The following GAST variants were observed in gnomAD, a reference collection of about 807,000 sequenced individuals.
GAST encodes preprogastrin.
GAST carries 9 observed loss-of-function variants against 12.5 expected under a neutral mutation model. The ratio of observed to expected loss-of-function variants is 0.72; its 90% CI spans 0.43 to 1.25. The LOEUF is 1.25. Ranked by LOEUF, GAST falls within the 50% of genes most tolerant of loss-of-function variation. The probability of loss-of-function intolerance (pLI) is 0.00; values close to 1 mark genes in which losing one functional copy is unlikely to be tolerated. For synonymous variants in GAST, 52 were observed against 51.1 expected (o/e 1.02, Z -0.08); for missense variants, 121 against 127.7 (o/e 0.95, Z 0.25).
Position 41,715,955 on chromosome 17 carries a change from C to A in GAST, c.*83C>A, listed in dbSNP as rs782698420. On this transcript the variant is annotated 3_prime_UTR_variant, in exon 3 of 3. Coordinates refer to ENST00000329402, the MANE Select transcript of GAST (RefSeq NM_000805.5). ...CCCTGAAAAACTGATCAAAAATAAA[C>A]TAGTTTCCAGTGGATCAATGGACTG... 1.8e-6 allele frequency: 2 copies of A among 1,111,412 alleles called. No individual in the cohort carries two copies. Among genetic ancestry groups the A allele is most frequent in the Non-Finnish European group, 2.6e-6 (2 of 773,888 alleles). 68.8% of individuals were successfully genotyped at this position (1,111,412 alleles called of 1,614,324 possible). A position where few individuals can be genotyped will look rare whatever the true frequency, so the allele number is the denominator to read the frequency against.
intron 1 of GAST, among the ~76,000 whole-genome samples, chr17:41,713,670 C>T (rs566070996): frequency 1.4e-4 from 22 of 152,080 alleles, no homozygotes; most frequent in African/African-American, 5.1e-4. Context: ...CACTGCATTC[C>T]AGCCTGGGAG....
At chr17:41,713,788 A>T (rs373425643) in intron 1 of GAST, among the ~76,000 whole-genome samples, 2 of 152,208 alleles carry the variant, frequency 1.3e-5, no homozygotes, top group East Asian at 1.9e-4. Context: ...AATTTTTATC[A>T]TTTTCTTATG....
chr17:41,713,796 AT>A (rs1282227460), intron 1 of GAST, among the ~76,000 whole-genome samples: 2 of 152,228 alleles, frequency 1.3e-5, no homozygotes, highest in Non-Finnish European at 2.9e-5. Flanking sequence ...TCATTTTCTT[AT>A]GATAAAGCCA....
intron 1 of GAST, among the ~76,000 whole-genome samples, chr17:41,712,794 G>A (rs1363482188): frequency 6.6e-6 from 1 of 152,198 alleles, no homozygotes; most frequent in Non-Finnish European, 1.5e-5. Flanking sequence ...CCCACTTCAA[G>A]CCCTTTCCTA....
At chr17:41,714,869 G>T (rs1196912998) in intron 1 of GAST, among the ~76,000 whole-genome samples, 1 of 152,194 alleles carries the variant, frequency 6.6e-6, no homozygotes, top group Admixed American at 6.5e-5. Context: ...CATTGCCCTA[G>T]GATTTGACTT....
intron 1 of GAST, among the ~76,000 whole-genome samples, chr17:41,714,895 G>C (rs532576728): frequency 5.9e-5 from 9 of 152,344 alleles, no homozygotes; most frequent in Admixed American, 5.9e-4. Context: ...AATAGAAGCA[G>C]TGGCTGTAAT....
rs577565280 is a variant in GAST at position 41,715,457 on chromosome 17, T to C, written c.21T>C (p.Tyr7=). Residue 7 remains tyrosine, a synonymous_variant, in exon 2 of 3, where the codon TAT becomes TAC. Transcript: ENST00000329402. ...ACGAGATGCAGCGACTGTGTGTGTA[T>C]GTGCTGATCTTTGCACTGGCTCTGG... MQRLCV[Y]VLIFALALAA... is the part of the protein sequence containing the mutation. 2.5e-6 allele frequency: 4 copies of C among 1,613,854 alleles called. No homozygotes were observed. In the East Asian group the frequency reaches 6.7e-5, roughly 27 times the overall value.
At position 41,715,921 on chromosome 17, in the gene GAST, A is replaced by C. The variant is rs781979891; in HGVS notation, c.*49A>C. On this transcript the variant is annotated 3_prime_UTR_variant, in exon 3 of 3. Transcript: ENST00000329402. The stretch of plus-strand genomic sequence containing the variant: ...GCCTAGCCACCTCCCACCCCACTCC[A>C]GCCCTGTCCCCTGAAAAACTGATCA... The C allele has an allele frequency of 7.1e-7, 1 of 1,401,204 alleles. No homozygotes were observed. 86.8% of individuals were successfully genotyped at this position (1,401,204 alleles called of 1,614,324 possible). A position where few individuals can be genotyped will look rare whatever the true frequency, so the allele number is the denominator to read the frequency against.
At chr17:41,714,992 A>G (rs553474729) in intron 1 of GAST, among the ~76,000 whole-genome samples, 1 of 152,282 alleles carries the variant, frequency 6.6e-6, no homozygotes, top group African/African-American at 2.4e-5. Context: ...GAAATAGTCC[A>G]CAACTCCACA....
chr17:41,713,785 A>G (rs924526932), intron 1 of GAST, among the ~76,000 whole-genome samples: 1 of 152,240 alleles, frequency 6.6e-6, no homozygotes, highest in Non-Finnish European at 1.5e-5. Flanking sequence ...GAAAATTTTT[A>G]TCATTTTCTT....
At chr17:41,713,040 C>T (rs1162839150) in intron 1 of GAST, among the ~76,000 whole-genome samples, 4 of 151,992 alleles carry the variant, frequency 2.6e-5, no homozygotes, top group South Asian at 2.1e-4. Flanking sequence ...CTCAGCCTCC[C>T]GAGTAGCCGG....
chr17:41,715,021 CG>C (rs1172157027), intron 1 of GAST, among the ~76,000 whole-genome samples: 4 of 151,962 alleles, frequency 2.6e-5, no homozygotes, highest in Non-Finnish European at 5.9e-5. Context: ...CAGACTCACC[CG>C]GGTGCGGTGG....
rs1304115458 is a variant in GAST, at chr17:41,715,941, T to C, written c.*69T>C. ...ACTCCAGCCCTGTCCCCTGAAAAAC[T>C]GATCAAAAATAAACTAGTTTCCAGT... On this transcript the variant is annotated 3_prime_UTR_variant, in exon 3 of 3. Coordinates refer to ENST00000329402, the MANE Select transcript of GAST (RefSeq NM_000805.5). The C allele has an allele frequency of 5.6e-6, 7 of 1,250,106 alleles. No homozygotes were observed. Among genetic ancestry groups the C allele is most frequent in the Admixed American group, 2.3e-5 (1 of 42,558 alleles). 77.4% of individuals were successfully genotyped at this position (1,250,106 alleles called of 1,614,324 possible). A position where few individuals can be genotyped will look rare whatever the true frequency, so the allele number is the denominator to read the frequency against.
At chr17:41,713,757 A>G (rs1910910035) in intron 1 of GAST, among the ~76,000 whole-genome samples, 1 of 152,192 alleles carries the variant, frequency 6.6e-6, no homozygotes, top group African/African-American at 2.4e-5. Context: ...TTATTAATAC[A>G]AATGTATTCT....
At chr17:41,714,709 A>G (rs1423873323) in intron 1 of GAST, among the ~76,000 whole-genome samples, 1 of 152,082 alleles carries the variant, frequency 6.6e-6, no homozygotes, top group Non-Finnish European at 1.5e-5. Context: ...CAGGAGGTAG[A>G]GGCTGCAGTG....
intron 1 of GAST, among the ~76,000 whole-genome samples, chr17:41,715,064 C>G (rs1400962116): frequency 6.6e-6 from 1 of 151,756 alleles, no homozygotes; most frequent in Non-Finnish European, 1.5e-5. Context: ...TTTGGGAGGC[C>G]GAGGCGGGTG....
chr17:41,715,374 C>A, intron 1 of GAST, 58 bp from the exon 2 acceptor site: 1 of 1,373,272 alleles, frequency 7.3e-7, no homozygotes, highest in Non-Finnish European at 1.0e-6. Flanking sequence ...AGTCCCCTGC[C>A]TCTGGGCCTC....
rs1435806910 is a variant in GAST, at chr17:41,715,860, G to A, written c.294G>A (p.Glu98=). 7.5e-6 allele frequency: 12 copies of A among 1,606,252 alleles called. No homozygotes were observed. The highest frequency in any genetic ancestry group is 8.5e-6 in the Non-Finnish European group (10 of 1,177,408). ...TGGACTTCGGCCGCCGCAGTGCTGAGGATGAGAACTAACAATCCTAGAACC... is the reference window on the plus strand; with the variant it reads ...TGGACTTCGGCCGCCGCAGTGCTGAAGATGAGAACTAACAATCCTAGAACC... ...GWMDFGRRSA[E]DEN The change falls in exon 3 of 3, where the codon GAG becomes GAA. Residue 98 remains glutamate (E), a synonymous_variant. Transcript: ENST00000329402.
At position 41,715,917 on chromosome 17, in the gene GAST, C is replaced by T; in HGVS notation, c.*45C>T. 1 of 1,428,666 alleles carries T rather than the reference C, an allele frequency of 7.0e-7. No homozygotes were observed. The highest frequency in any genetic ancestry group is 1.3e-5 in the South Asian group (1 of 77,228). The allele number at this position is 1,428,666 out of a possible 1,614,324, so 88.5% of individuals were successfully genotyped here. Reference sequence around the variant, plus strand: ...CAGAGCCTAGCCACCTCCCACCCCACTCCAGCCCTGTCCCCTGAAAAACTG... The same window carrying T: ...CAGAGCCTAGCCACCTCCCACCCCATTCCAGCCCTGTCCCCTGAAAAACTG... On this transcript the variant is annotated 3_prime_UTR_variant, in exon 3 of 3. Transcript: ENST00000329402.
Sources: gnomAD v4.1 joint callset for allele counts (sites outside exome capture counted in the v4.1 genomes callset) on GRCh38, gnomAD v4.1.1 for gene constraint, MANE v1.5 for transcripts, NCBI Gene and HGNC (gene_info 2026-07-23, HGNC 2026-07-21) for gene names.